The following RCN3 variants were observed in gnomAD, a reference collection of about 807,000 sequenced individuals.
RCN3 encodes reticulocalbin 3.
Under a neutral mutation model 35.9 loss-of-function variants are expected in RCN3, and 41 were observed. That is an observed-to-expected ratio of 1.14 (90% CI 0.89 to 1.48). RCN3 has a LOEUF of 1.48. Among genes scored for constraint, RCN3 ranks in the 40% most tolerant of loss-of-function variants. The probability of loss-of-function intolerance (pLI) is 0.00; values close to 1 mark genes in which losing one functional copy is unlikely to be tolerated. For synonymous variants in RCN3, 187 were observed against 193.4 expected (o/e 0.97, Z 0.27); for missense variants, 451 against 471.3 (o/e 0.96, Z 0.40).
intron 2 of RCN3, 44 bp from the exon 3 acceptor site, chr19:49,534,149 G>T: frequency 6.9e-7 from 1 of 1,441,002 alleles, no homozygotes. Context: ...GGCGGGGCCT[G>T]GGGGCGGGAC....
At position 49,542,745 on chromosome 19, in the gene RCN3, C is replaced by G; in HGVS notation, c.872C>G (p.Thr291Arg). 1 of 1,586,186 alleles carries G rather than the reference C, an allele frequency of 6.3e-7. No homozygotes were observed. Among genetic ancestry groups the G allele is most frequent in the Non-Finnish European group, 8.6e-7 (1 of 1,167,550 alleles). The change falls in exon 6 of 7, where the codon ACG becomes AGG. Residue 291 changes from threonine (T) to arginine (R), a missense_variant. Thr to Arg is a moderately conservative substitution (Grantham distance 71). Transcript: ENST00000270645. ...AACCACCTGCTGCACGAGAGCGACA[C>G]GGACAAGGTGCAGTGACGGGGCCTC... The part of the protein sequence containing the change: ...EANHLLHESD[T>R]DKDGRLSKAE...
intron 2 of RCN3, among the ~76,000 whole-genome samples, chr19:49,533,694 A>T (rs1427847354): frequency 8.4e-6 from 1 of 118,640 alleles, no homozygotes; most frequent in Admixed American, 1.1e-4. Flanking sequence ...TGACACGCGC[A>T]GCCTGGTAAG....
At chr19:49,539,809 G>A (rs886552508) in intron 5 of RCN3, among the ~76,000 whole-genome samples, 19 of 141,798 alleles carry the variant, frequency 1.3e-4, no homozygotes, top group African/African-American at 4.5e-4. Flanking sequence ...TGCAACCTCC[G>A]CCTCCCGGGC....
At chr19:49,529,926 TTG>T (rs1484883227) in intron 2 of RCN3, among the ~76,000 whole-genome samples, 3 of 146,126 alleles carry the variant, frequency 2.1e-5, no homozygotes, top group African/African-American at 7.8e-5. Context: ...CCAGCTAATT[TTG>T]TATTTTTATT....
At chr19:49,535,736 G>A (rs2080130561) in intron 3 of RCN3, among the ~76,000 whole-genome samples, 1 of 151,510 alleles carries the variant, frequency 6.6e-6, no homozygotes, top group African/African-American at 2.4e-5. Flanking sequence ...TGTGATCACA[G>A]CTACTCTGGA....
chr19:49,529,527 G>A (rs1362328733), intron 2 of RCN3, among the ~76,000 whole-genome samples: 2 of 152,294 alleles, frequency 1.3e-5, no homozygotes, highest in African/African-American at 2.4e-5. Context: ...AAGGTTTATC[G>A]AGCACCTGCT....
chr19:49,542,755 G>C lies in RCN3; in HGVS notation c.879+3G>C, dbSNP rs745950768. The stretch of plus-strand genomic sequence containing the variant: ...TGCACGAGAGCGACACGGACAAGGT[G>C]CAGTGACGGGGCCTCGGCAGGAGCG... On this transcript the variant is annotated splice_donor_region_variant and intron_variant, in intron 6 of 6. Transcript: ENST00000270645. 1 of 1,578,898 alleles carries C rather than the reference G, an allele frequency of 6.3e-7. No individual in the cohort carries two copies. The highest frequency in any genetic ancestry group is 8.6e-7 in the Non-Finnish European group (1 of 1,162,924).
At chr19:49,529,721 G>A (rs1052785823) in intron 2 of RCN3, among the ~76,000 whole-genome samples, 3 of 148,396 alleles carry the variant, frequency 2.0e-5, no homozygotes, top group African/African-American at 5.0e-5. Context: ...AGAGGTTGTT[G>A]GTGGGGGGGA....
At chr19:49,539,307 C>T (rs139811336) in intron 5 of RCN3, 128 bp downstream of exon 5, 160 of 669,936 alleles carry the variant, frequency 2.4e-4, no homozygotes, top group Non-Finnish European at 3.7e-4. Context: ...GGGGCAGGGG[C>T]ACTCACTGCT....
chr19:49,543,347 T>C lies in RCN3; in HGVS notation c.*134T>C. On this transcript the variant is annotated 3_prime_UTR_variant, in exon 7 of 7. Coordinates refer to ENST00000270645, the MANE Select transcript of RCN3 (RefSeq NM_020650.3). Reference sequence around the variant, plus strand: ...CAGGCATCCTCCTGCCCCTGGGCTCTCAGGGACCCCCTGGGTCGGCTTCTG... The same window carrying C: ...CAGGCATCCTCCTGCCCCTGGGCTCCCAGGGACCCCCTGGGTCGGCTTCTG... 1 of 734,778 alleles carries C rather than the reference T, an allele frequency of 1.4e-6. No individual in the cohort carries two copies. The highest frequency in any genetic ancestry group is 2.3e-6 in the Non-Finnish European group (1 of 427,046). 45.5% of individuals were successfully genotyped at this position (734,778 alleles called of 1,614,324 possible).
chr19:49,541,934 T>G (rs955025695), intron 5 of RCN3, among the ~76,000 whole-genome samples: 1 of 151,608 alleles, frequency 6.6e-6, no homozygotes, highest in African/African-American at 2.4e-5. Flanking sequence ...GAGCTGAGAT[T>G]GCGCCATTGC....
intron 2 of RCN3, among the ~76,000 whole-genome samples, chr19:49,529,459 G>A (rs559211821): frequency 3.3e-4 from 50 of 152,312 alleles, no homozygotes; most frequent in African/African-American, 1.1e-3. Context: ...GCGCAGGGGG[G>A]CGCGATGGGA....
At chr19:49,534,482 T>A (rs2122724979) in intron 3 of RCN3, 87 bp downstream of exon 3, 1 of 1,395,438 alleles carries the variant, frequency 7.2e-7, no homozygotes, top group Non-Finnish European at 9.6e-7. Flanking sequence ...TGAACCCATT[T>A]ACCCGGAGTC....
chr19:49,530,557 C>T (rs1314629136), intron 2 of RCN3, among the ~76,000 whole-genome samples: 7 of 142,910 alleles, frequency 4.9e-5, no homozygotes, highest in Admixed American at 3.0e-4. Context: ...AGTGCAGTGG[C>T]GCAATCTCGG....
At position 49,531,904 on chromosome 19, in the gene RCN3, C is replaced by T. The variant is rs147804508; in HGVS notation, c.243-2289C>T. ...CAAGCTCCACCTCCCGGGTTCATGC[C>T]ATTCTCCTGCCTCAGCCTCCCGAGT... On this transcript the variant is annotated intron_variant, in intron 2 of 6. Coordinates refer to ENST00000270645, the MANE Select transcript of RCN3 (RefSeq NM_020650.3). 5.9e-3 allele frequency among the ~76,000 whole-genome samples: 890 copies of T among 151,528 alleles called. 3 individuals are homozygous for T. The highest frequency in any genetic ancestry group is 9.4e-3 in the Non-Finnish European group (636 of 67,856).
intron 3 of RCN3, among the ~76,000 whole-genome samples, chr19:49,536,374 T>C (rs6509436): frequency 0.99 from 144,609 of 145,632 alleles, 71,825 homozygotes; most frequent in Middle Eastern, 1. Context: ...GGTCTCGGCT[T>C]ACTACAACCT....
chr19:49,541,176 T>C (rs2080161313), intron 5 of RCN3, among the ~76,000 whole-genome samples: 1 of 151,840 alleles, frequency 6.6e-6, no homozygotes, highest in South Asian at 2.1e-4. Flanking sequence ...GTTATCCACC[T>C]GCCTCGGCCT....
At chr19:49,528,770 C>CG (rs1399153205) in intron 2 of RCN3, 56 bp downstream of exon 2, 1 of 1,457,444 alleles carries the variant, frequency 6.9e-7, no homozygotes, top group South Asian at 1.5e-5. Flanking sequence ...GAGAGAGACG[C>CG]GGGGGTATCG....
chr19:49,534,143 G>T (rs1237311811), intron 2 of RCN3, 50 bp from the exon 3 acceptor site: 2 of 1,434,742 alleles, frequency 1.4e-6, no homozygotes, highest in African/African-American at 1.5e-5. Context: ...GCGAGGGGCG[G>T]GGCCTGGGGG....
Sources: gnomAD v4.1 joint callset for allele counts (sites outside exome capture counted in the v4.1 genomes callset) on GRCh38, gnomAD v4.1.1 for gene constraint, MANE v1.5 for transcripts, NCBI Gene and HGNC (gene_info 2026-07-23, HGNC 2026-07-21) for gene names.